The following PPP6C variants were observed in gnomAD, a reference collection of about 807,000 sequenced individuals.
The protein encoded by PPP6C is serine/threonine-protein phosphatase 6 catalytic subunit.
Under a neutral mutation model 39.8 loss-of-function variants are expected in PPP6C, and 11 were observed. That is an observed-to-expected ratio of 0.28 (90% CI 0.17 to 0.46). The LOEUF (loss-of-function observed/expected upper bound fraction) is 0.46. Among genes scored for constraint, PPP6C ranks in the 20% least tolerant of loss-of-function variants. PPP6C has a pLI of 1.00. For synonymous variants in PPP6C, 129 were observed against 130.3 expected (o/e 0.99, Z 0.07); for missense variants, 211 against 373.9 (o/e 0.56, Z 3.59).
chr9:125,175,314 C>T (rs1412230545), intron 1 of PPP6C, among the ~76,000 whole-genome samples: 1 of 151,932 alleles, frequency 6.6e-6, no homozygotes, highest in African/African-American at 2.4e-5. Flanking sequence ...AAGGTTCCAT[C>T]AGAATTATAA....
Position 125,174,565 on chromosome 9 carries a change from A to C in PPP6C, c.76-3385T>G, listed in dbSNP as rs905593251. The stretch of plus-strand genomic sequence containing the variant: ...ATTTTCCACACCTATATGCTTCAAC[A>C]AATCAATCCATGGTCCTGCCATATA... On this transcript the variant is annotated intron_variant, in intron 1 of 6. Transcript: ENST00000373547. Among the ~76,000 whole-genome samples the C allele has an allele frequency of 2.1e-3, 326 of 152,178 alleles. 6 individuals carry two copies. Among genetic ancestry groups the C allele is most frequent in the Non-Finnish European group, 3.5e-4 (24 of 68,008 alleles).
chr9:125,163,834 G>A (rs1828948574), intron 2 of PPP6C, among the ~76,000 whole-genome samples: 1 of 151,192 alleles, frequency 6.6e-6, no homozygotes. Flanking sequence ...CATTTCCCGA[G>A]AACTTGGGCA....
intron 2 of PPP6C, among the ~76,000 whole-genome samples, chr9:125,166,934 C>T (rs1028464266): frequency 6.6e-6 from 1 of 152,102 alleles, no homozygotes; most frequent in African/African-American, 2.4e-5. Context: ...GGGTCTCACT[C>T]TGCTGCCCAG....
chr9:125,159,852 T>C (rs967935165), intron 3 of PPP6C, among the ~76,000 whole-genome samples: 1 of 152,080 alleles, frequency 6.6e-6, no homozygotes, highest in Non-Finnish European at 1.5e-5. Context: ...TGAAATCCTG[T>C]CTCTACTAAA....
At chr9:125,179,645 TTC>T (rs374311966) in intron 1 of PPP6C, among the ~76,000 whole-genome samples, 4 of 149,786 alleles carry the variant, frequency 2.7e-5, no homozygotes, top group Non-Finnish European at 5.9e-5. Flanking sequence ...AGCTTTCCTT[TTC>T]TCTCTCTCTT....
At chr9:125,168,025 A>C (rs1187746474) in intron 2 of PPP6C, among the ~76,000 whole-genome samples, 1 of 152,158 alleles carries the variant, frequency 6.6e-6, no homozygotes, top group Non-Finnish European at 1.5e-5. Context: ...TTTACTGTGC[A>C]GGCATGTTGG....
intron 2 of PPP6C, among the ~76,000 whole-genome samples, chr9:125,168,248 G>T (rs142390450): frequency 1.3e-5 from 2 of 152,234 alleles, no homozygotes; most frequent in African/African-American, 4.8e-5. Flanking sequence ...ATCTGACACT[G>T]AAATCTATAA....
At chr9:125,151,569 T>C in intron 6 of PPP6C, 1 of 800,846 alleles carries the variant, frequency 1.2e-6, no homozygotes. Context: ...GTTTCTTACC[T>C]ATTCAGTCAT....
chr9:125,182,356 TCA>T (rs778414407), intron 1 of PPP6C, among the ~76,000 whole-genome samples: 19 of 152,064 alleles, frequency 1.2e-4, no homozygotes, highest in Non-Finnish European at 2.1e-4. Flanking sequence ...AAAAAAGATC[TCA>T]CTGCCAGGTG....
intron 1 of PPP6C, among the ~76,000 whole-genome samples, chr9:125,188,465 C>A (rs538548530): frequency 1.3e-5 from 2 of 152,126 alleles, no homozygotes; most frequent in African/African-American, 4.8e-5. Flanking sequence ...CTGATTTCAG[C>A]AAATGCATAG....
At chr9:125,155,669 C>T (rs1211897798) in intron 4 of PPP6C, among the ~76,000 whole-genome samples, 2 of 151,970 alleles carry the variant, frequency 1.3e-5, no homozygotes, top group African/African-American at 2.4e-5. Context: ...TTTGGGAGGC[C>T]GAGGCGGGCG....
chr9:125,152,901 T>G (rs564503267), intron 6 of PPP6C, among the ~76,000 whole-genome samples: 12 of 141,776 alleles, frequency 8.5e-5, no homozygotes, highest in African/African-American at 2.7e-4. Context: ...CTGTGTGATT[T>G]GAGGTCTTTG....
At chr9:125,170,845 A>C (rs1426321005) in intron 2 of PPP6C, among the ~76,000 whole-genome samples, 1 of 152,184 alleles carries the variant, frequency 6.6e-6, no homozygotes, top group East Asian at 1.9e-4. Flanking sequence ...CAGAAAACTA[A>C]TGCTGCATTA....
At chr9:125,160,290 A>G (rs908892092) in intron 3 of PPP6C, among the ~76,000 whole-genome samples, 2 of 152,200 alleles carry the variant, frequency 1.3e-5, no homozygotes, top group African/African-American at 4.8e-5. Flanking sequence ...ACTGACAGCT[A>G]CAACCCAACC....
At chr9:125,166,361 T>C (rs1476760861) in intron 2 of PPP6C, among the ~76,000 whole-genome samples, 1 of 152,124 alleles carries the variant, frequency 6.6e-6, no homozygotes. Context: ...ATACTGTCAA[T>C]TGTTCTCCTT....
At chr9:125,177,785 T>C (rs1172321463) in intron 1 of PPP6C, among the ~76,000 whole-genome samples, 1 of 152,210 alleles carries the variant, frequency 6.6e-6, no homozygotes, top group African/African-American at 2.4e-5. Flanking sequence ...TATAGTATCA[T>C]ACAGAATAGT....
intron 1 of PPP6C, among the ~76,000 whole-genome samples, chr9:125,189,210 C>T (rs1564161736): frequency 6.6e-6 from 1 of 152,190 alleles, no homozygotes; most frequent in Non-Finnish European, 1.5e-5. Flanking sequence ...TTCCGGTAGC[C>T]GGTGGCATCT....
chr9:125,159,046 T>TG (rs1238787604), intron 3 of PPP6C, among the ~76,000 whole-genome samples: 1 of 149,848 alleles, frequency 6.7e-6, no homozygotes, highest in African/African-American at 2.5e-5. Flanking sequence ...GTTTTTTTTT[T>TG]TTTTTTTTTT....
intron 2 of PPP6C, among the ~76,000 whole-genome samples, chr9:125,170,115 C>G (rs938448768): frequency 1.5e-4 from 23 of 152,170 alleles, no homozygotes; most frequent in African/African-American, 5.5e-4. Context: ...ATGCATATAG[C>G]ACTCTATGAG....
Sources: gnomAD v4.1 joint callset for allele counts (sites outside exome capture counted in the v4.1 genomes callset) on GRCh38, gnomAD v4.1.1 for gene constraint, MANE v1.5 for transcripts, NCBI Gene and HGNC (gene_info 2026-07-23, HGNC 2026-07-21) for gene names.